The following NRXN3 variants were observed in gnomAD, a reference collection of about 807,000 sequenced individuals.
The protein encoded by NRXN3 is neurexin 3.
A neutral mutation model predicts 137.6 loss-of-function variants in NRXN3; 32 were observed. That is an observed-to-expected ratio of 0.23 (90% CI 0.18 to 0.31). The LOEUF (loss-of-function observed/expected upper bound fraction) is 0.31. Among genes scored for constraint, NRXN3 ranks in the 10% least tolerant of loss-of-function variants. The pLI is 1.00. For missense variants in NRXN3, 1,574 were observed against 2,062.5 expected, an observed-to-expected ratio of 0.76 and a Z score of 4.59; for synonymous variants, 798 against 784.5, an observed-to-expected ratio of 1.02 and a Z score of -0.29.
At chr14:78,632,915 T>TA (rs917409322) in intron 4 of NRXN3, among the ~76,000 whole-genome samples, 6 of 151,864 alleles carry the variant, frequency 4.0e-5, no homozygotes, top group African/African-American at 1.2e-4. Flanking sequence ...ATAGCAAAAA[T>TA]AAAAAATCTT....
chr14:79,791,533 AATT>A (rs1489760702), intron 19 of NRXN3, among the ~76,000 whole-genome samples: 6 of 142,764 alleles, frequency 4.2e-5, no homozygotes, highest in Admixed American at 2.8e-4. Flanking sequence ...ATATTATAAT[AATT>A]ATAATTAATT....
intron 8 of NRXN3, among the ~76,000 whole-genome samples, chr14:78,752,572 G>T (rs983972808): frequency 6.6e-6 from 1 of 152,176 alleles, no homozygotes; most frequent in African/African-American, 2.4e-5. Context: ...CTCTGTTCAG[G>T]GCTCTATGGG....
At chr14:78,791,413 A>G (rs969593307) in intron 8 of NRXN3, among the ~76,000 whole-genome samples, 10 of 152,202 alleles carry the variant, frequency 6.6e-5, no homozygotes, top group Non-Finnish European at 7.3e-5. Context: ...GGAGCAAGAC[A>G]GAATTCTGAA....
chr14:78,785,436 C>T (rs555536980), intron 8 of NRXN3, among the ~76,000 whole-genome samples: 21 of 152,310 alleles, frequency 1.4e-4, no homozygotes, highest in Admixed American at 1.3e-3. Flanking sequence ...AGCAATATTT[C>T]TCAGGCTGGT....
intron 15 of NRXN3, among the ~76,000 whole-genome samples, chr14:79,288,555 T>G (rs1430923110): frequency 6.6e-5 from 10 of 152,166 alleles, no homozygotes; most frequent in Non-Finnish European, 1.5e-4. Flanking sequence ...ATTAAAAACA[T>G]TGAGACTCAG....
At chr14:78,849,405 A>G (rs755771925) in intron 10 of NRXN3, among the ~76,000 whole-genome samples, 3 of 152,072 alleles carry the variant, frequency 2.0e-5, no homozygotes, top group African/African-American at 4.8e-5. Flanking sequence ...TGAAGGACCA[A>G]TGGCAGGAGA....
In NRXN3 at chr14:79,575,206, T is replaced by C. The variant is rs145214672; in HGVS notation, c.3445-88572T>C. ...CATCACAAAGCAATTAAGTACCTAATTGTTCATGGCTCTGAGTTTGCTACT... is the reference window on the plus strand; with the variant it reads ...CATCACAAAGCAATTAAGTACCTAACTGTTCATGGCTCTGAGTTTGCTACT... On this transcript the variant is annotated intron_variant, in intron 16 of 20. Coordinates refer to ENST00000335750, the MANE Select transcript of NRXN3 (RefSeq NM_001330195.2). 2.6e-3 allele frequency among the ~76,000 whole-genome samples: 394 copies of C among 152,314 alleles called. 2 individuals are homozygous for C. Among genetic ancestry groups the C allele is most frequent in the African/African-American group, 9.0e-3 (374 of 41,570 alleles).
At chr14:79,470,613 C>T (rs1486788314) in intron 16 of NRXN3, among the ~76,000 whole-genome samples, 1 of 152,124 alleles carries the variant, frequency 6.6e-6, no homozygotes, top group Non-Finnish European at 1.5e-5. Context: ...CAGAGCATAG[C>T]AGCAGAATAT....
chr14:78,949,462 T>C (rs1406008637), intron 10 of NRXN3, among the ~76,000 whole-genome samples: 1 of 152,200 alleles, frequency 6.6e-6, no homozygotes, highest in Admixed American at 6.5e-5. Context: ...TTATTTAATT[T>C]ATTCAGTTTT....
At chr14:79,119,511 C>A (rs542560794) in intron 15 of NRXN3, among the ~76,000 whole-genome samples, 1 of 152,146 alleles carries the variant, frequency 6.6e-6, no homozygotes, top group South Asian at 2.1e-4. Context: ...TTAAATATTG[C>A]CTTTTATTTA....
chr14:79,194,864 T>G (rs1232050105), intron 15 of NRXN3, among the ~76,000 whole-genome samples: 1 of 152,224 alleles, frequency 6.6e-6, no homozygotes, highest in Non-Finnish European at 1.5e-5. Context: ...AGCTTCTGCC[T>G]GTAAGATATC....
chr14:78,486,589 G>A (rs1158055410), intron 4 of NRXN3, among the ~76,000 whole-genome samples: 1 of 152,178 alleles, frequency 6.6e-6, no homozygotes, highest in African/African-American at 2.4e-5. Context: ...TGGTGGAAGA[G>A]ATGCCACTGA....
intron 16 of NRXN3, among the ~76,000 whole-genome samples, chr14:79,549,189 A>G (rs2153746101): frequency 6.6e-6 from 1 of 152,182 alleles, no homozygotes; most frequent in South Asian, 2.1e-4. Context: ...CCAACCAGGG[A>G]TAGGTTTTAT....
chr14:79,819,076 G>T (rs1216266052), intron 20 of NRXN3, among the ~76,000 whole-genome samples: 1 of 152,184 alleles, frequency 6.6e-6, no homozygotes, highest in Non-Finnish European at 1.5e-5. Flanking sequence ...ATACTGTATT[G>T]CCCAGTGTTA....
rs928980845 is a variant in NRXN3 at position 79,208,494 on chromosome 14, C to G, written c.3262+220353C>G. Among the ~76,000 whole-genome samples, 6 of 152,250 alleles carry G rather than the reference C, an allele frequency of 3.9e-5. No individual in the cohort carries two copies. The East Asian group carries it at 1.2e-3, about 29-fold the overall frequency. On this transcript the variant is annotated intron_variant, in intron 15 of 20. Coordinates refer to ENST00000335750, the MANE Select transcript of NRXN3 (RefSeq NM_001330195.2). ...GGTCTTCTTTTAGCAAAGAATATTT[C>G]TTCATTGCAATGCCTCTGAACATCT...
chr14:79,708,748 G>T (rs1404702756), intron 19 of NRXN3, among the ~76,000 whole-genome samples: 2 of 152,142 alleles, frequency 1.3e-5, no homozygotes, highest in Non-Finnish European at 2.9e-5. Context: ...GCCTTGGGTT[G>T]TCTAGAGAGC....
intron 17 of NRXN3, among the ~76,000 whole-genome samples, chr14:79,691,549 G>T (rs1342388292): frequency 6.6e-6 from 1 of 151,954 alleles, no homozygotes; most frequent in Non-Finnish European, 1.5e-5. Context: ...TGATATAAAA[G>T]CTTATCTGTA....
At chr14:79,577,349 T>C (rs1163220346) in intron 16 of NRXN3, among the ~76,000 whole-genome samples, 1 of 152,238 alleles carries the variant, frequency 6.6e-6, no homozygotes, top group African/African-American at 2.4e-5. Context: ...TTTAGTATAA[T>C]TAAGATAGTC....
intron 15 of NRXN3, among the ~76,000 whole-genome samples, chr14:79,252,035 C>G (rs2076003014): frequency 6.6e-6 from 1 of 152,054 alleles, no homozygotes; most frequent in African/African-American, 2.4e-5. Context: ...TTACATTTTT[C>G]TCTTTCTGAT....
Sources: allele counts gnomAD v4.1 joint callset (sites outside exome capture counted in the v4.1 genomes callset), GRCh38; gene constraint gnomAD v4.1.1; transcripts MANE v1.5; gene names NCBI Gene and HGNC (gene_info 2026-07-23, HGNC 2026-07-21).